Variants in FGFRL1 observed in about 807,000 individuals in gnomAD.
FGFRL1 encodes fibroblast growth factor receptor like 1, also known as fibroblast growth factor receptor-like 1.
Under a neutral mutation model 36.8 loss-of-function variants are expected in FGFRL1, and 24 were observed. The observed-to-expected ratio is 0.65, with a 90% CI of 0.47 to 0.92. FGFRL1 has a LOEUF of 0.92. Among genes scored for constraint, FGFRL1 ranks in the 40% least tolerant of loss-of-function variants. The pLI, the probability that FGFRL1 is intolerant of heterozygous loss-of-function variation, is 0.00. For synonymous variants in FGFRL1, 422 were observed against 344.1 expected (o/e 1.23, Z -2.50); for missense variants, 785 against 753.4 (o/e 1.04, Z -0.49).
In FGFRL1 at chr4:1,011,962, C is replaced by T. The variant is rs1715607338; in HGVS notation, c.-17+8C>T. 1.4e-5 allele frequency: 2 copies of T among 146,126 alleles called. No individual in the cohort carries two copies. 9.1% of individuals were successfully genotyped at this position (146,126 alleles called of 1,614,324 possible). ...GCTGAGCCCCCCGCCGAGGTGAGCC[C>T]CCCGCGCGCGCGGCCGCGACCCCAG... On this transcript the variant is annotated splice_region_variant and intron_variant, in intron 1 of 6. Transcript: ENST00000510644.
At position 1,024,685 on chromosome 4, in the gene FGFRL1, G is replaced by A. The variant is rs555712117; in HGVS notation, c.1072+21G>A. On this transcript the variant is annotated intron_variant, in intron 6 of 6. Transcript: ENST00000510644. ...GCCAGGTGCGCGGCTGCCACGCCAC[G>A]CCACACCATGCTGGTGCCCGGACCC... 8.4e-5 allele frequency: 132 copies of A among 1,576,588 alleles called. 1 individual carries two copies. The South Asian group carries it at 1.3e-3, about 16-fold the overall frequency.
intron 2 of FGFRL1, among the ~76,000 whole-genome samples, chr4:1,014,053 C>G (rs548386138): frequency 4.3e-4 from 66 of 152,336 alleles, no homozygotes; most frequent in African/African-American, 1.5e-3. Context: ...TGGACTAGGG[C>G]GCGAGGTCCA....
intron 1 of FGFRL1, 88 bp from the exon 2 acceptor site, chr4:1,012,382 C>G: frequency 6.7e-7 from 1 of 1,485,362 alleles, no homozygotes; most frequent in Non-Finnish European, 9.0e-7. Context: ...GGGAGGGCGG[C>G]CAGACCCCTG....
rs1238902591 is a variant in FGFRL1, at chr4:1,023,730, G to C, written c.433+9G>C. On this transcript the variant is annotated intron_variant, in intron 4 of 6. Transcript: ENST00000510644. The surrounding 1 kb of genome is among the most constrained non-coding windows in gnomAD (Gnocchi z 6.0). ...CGCCAGCCAGCAGTGGGGTGAGCAG[G>C]GGGTGACGGGGGTGGGGGGCGTCCG... 6.4e-7 allele frequency: 1 copy of C among 1,558,200 alleles called. No individual in the cohort carries two copies. The highest frequency in any genetic ancestry group is 8.7e-7 in the Non-Finnish European group (1 of 1,152,606).
At position 1,025,546 on chromosome 4, in the gene FGFRL1, A is replaced by C; in HGVS notation, c.*199A>C. 1.5e-6 allele frequency: 1 copy of C among 667,080 alleles called. No homozygotes were observed. The allele number at this position is 667,080 out of a possible 1,614,324, so 41.3% of individuals were successfully genotyped here. On this transcript the variant is annotated 3_prime_UTR_variant, in exon 7 of 7. Transcript: ENST00000510644. ...ACTGCCTGGATGCATGTATGCACACACATGCGCGCACACGTGCTCCCTGAA... is the reference window on the plus strand; with the variant it reads ...ACTGCCTGGATGCATGTATGCACACCCATGCGCGCACACGTGCTCCCTGAA...
In FGFRL1 at chr4:1,024,467, A is replaced by G; in HGVS notation, c.875A>G (p.His292Arg). The G allele has an allele frequency of 6.2e-7, 1 of 1,612,538 alleles. No homozygotes were observed. The highest frequency in any genetic ancestry group is 1.1e-5 in the South Asian group (1 of 91,082). Residue 292 changes from histidine (H) to arginine (R), a missense_variant, in exon 6 of 7, where the codon CAC (histidine) becomes CGC (arginine). By Grantham distance (29) the His-to-Arg change is conservative. Coordinates refer to ENST00000510644, the MANE Select transcript of FGFRL1 (RefSeq NM_001004356.3). ...KRVEYGAEGR[H>R]NSTIDVGGQK... ...GTGGAGTACGGCGCCGAGGGCCGCC[A>G]CAACTCCACCATCGATGTGGGCGGC...
intron 3 of FGFRL1, among the ~76,000 whole-genome samples, 164 bp downstream of exon 3, chr4:1,022,639 C>A (rs1199092608): frequency 1.3e-5 from 2 of 152,150 alleles, no homozygotes; most frequent in African/African-American, 4.8e-5. Context: ...ACCTCTGCCA[C>A]CATCCCCCAG....
At chr4:1,024,691 C>A in intron 6 of FGFRL1, 27 bp downstream of exon 6, 1 of 1,570,950 alleles carries the variant, frequency 6.4e-7, no homozygotes, top group South Asian at 1.1e-5. Flanking sequence ...CCACGCCACA[C>A]CATGCTGGTG....
In FGFRL1 at chr4:1,023,728, A is replaced by AGGGGGTGAC. The variant is rs765955253; in HGVS notation, c.433+15_433+23dup. The AGGGGGTGAC allele has an allele frequency of 2.9e-6, 3 of 1,020,298 alleles. No homozygotes were observed. In the South Asian group the frequency reaches 4.1e-5, roughly 14 times the overall value. 63.2% of individuals were successfully genotyped at this position (1,020,298 alleles called of 1,614,324 possible). A position where few individuals can be genotyped will look rare whatever the true frequency, so the allele number is the denominator to read the frequency against. ...CCCGCCAGCCAGCAGTGGGGTGAGC[A>AGGGGGTGAC]GGGGGTGACGGGGGTGGGGGGCGTC... On this transcript the variant is annotated splice_region_variant and intron_variant, in intron 4 of 6. Transcript: ENST00000510644. The surrounding 1 kb of genome is among the most constrained non-coding windows in gnomAD (Gnocchi z 6.0).
chr4:1,017,362 C>T (rs1715944696), intron 2 of FGFRL1, among the ~76,000 whole-genome samples: 2 of 152,178 alleles, frequency 1.3e-5, no homozygotes, highest in South Asian at 2.1e-4. Flanking sequence ...GAGGGGGCCA[C>T]ACAGCCAGCT....
rs1288214690 is a variant in FGFRL1, at chr4:1,023,571, C to T, written c.353-70C>T. 1.3e-5 allele frequency: 19 copies of T among 1,430,494 alleles called. No homozygotes were observed. Among genetic ancestry groups the T allele is most frequent in the African/African-American group, 5.7e-5 (4 of 70,698 alleles). The allele number at this position is 1,430,494 out of a possible 1,614,324, so 88.6% of individuals were successfully genotyped here. A position where few individuals can be genotyped will look rare whatever the true frequency, so the allele number is the denominator to read the frequency against. On this transcript the variant is annotated intron_variant, in intron 3 of 6. Transcript: ENST00000510644. This position sits in a 1 kb window ranked among gnomAD's most constrained non-coding sequence, Gnocchi z 6.0. ...CTGGGGCTGGGGGAGCTAGAGGCCACGGGGGAGTTGGGGGAGCTCCTCAGG... is the reference window on the plus strand; with the variant it reads ...CTGGGGCTGGGGGAGCTAGAGGCCATGGGGGAGTTGGGGGAGCTCCTCAGG...
chr4:1,023,542 C>A lies in FGFRL1; in HGVS notation c.353-99C>A. The A allele has an allele frequency of 1.8e-6, 2 of 1,137,100 alleles. No individual in the cohort carries two copies. Among genetic ancestry groups the A allele is most frequent in the Non-Finnish European group, 2.6e-6 (2 of 774,656 alleles). The allele number at this position is 1,137,100 out of a possible 1,614,324, so 70.4% of individuals were successfully genotyped here. On this transcript the variant is annotated intron_variant, in intron 3 of 6. Coordinates refer to ENST00000510644, the MANE Select transcript of FGFRL1 (RefSeq NM_001004356.3). The surrounding 1 kb of genome is among the most constrained non-coding windows in gnomAD (Gnocchi z 6.0). Reference sequence around the variant, plus strand: ...CCCTGCCTGGGTGTCCAGGGCTGTCCCGGCTGGGGCTGGGGGAGCTAGAGG... The same window carrying A: ...CCCTGCCTGGGTGTCCAGGGCTGTCACGGCTGGGGCTGGGGGAGCTAGAGG...
At chr4:1,017,641 G>A (rs565264566) in intron 2 of FGFRL1, among the ~76,000 whole-genome samples, 1 of 152,334 alleles carries the variant, frequency 6.6e-6, no homozygotes, top group African/African-American at 2.4e-5. Context: ...TGGAAAGTTG[G>A]AGGAGGCCGT....
At chr4:1,019,595 C>T (rs1045036963) in intron 2 of FGFRL1, among the ~76,000 whole-genome samples, 1 of 152,220 alleles carries the variant, frequency 6.6e-6, no homozygotes, top group African/African-American at 2.4e-5. Context: ...CCTGCAGCCG[C>T]TTCCTCCCCG....
At position 1,015,921 on chromosome 4, in the gene FGFRL1, A is replaced by G. The variant is rs60104099; in HGVS notation, c.79+3357A>G. On this transcript the variant is annotated intron_variant, in intron 2 of 6. Coordinates refer to ENST00000510644, the MANE Select transcript of FGFRL1 (RefSeq NM_001004356.3). Reference sequence around the variant, plus strand: ...GACTGCAGGGCTTGGTGTGGAGCGCAGTACCATGCACCAGGGTGCCTGACG... The same window carrying G: ...GACTGCAGGGCTTGGTGTGGAGCGCGGTACCATGCACCAGGGTGCCTGACG... Among the ~76,000 whole-genome samples, 1,012 of 152,310 alleles carry G rather than the reference A, an allele frequency of 6.6e-3. 12 individuals are homozygous for G. The highest frequency in any genetic ancestry group is 0.023 in the African/African-American group (971 of 41,578).
intron 2 of FGFRL1, among the ~76,000 whole-genome samples, chr4:1,016,130 G>A (rs375823951): frequency 6.6e-5 from 10 of 152,352 alleles, no homozygotes; most frequent in African/African-American, 1.7e-4. Flanking sequence ...GGGCTGCTCC[G>A]TGGTTGGGGC....
intron 1 of FGFRL1, 109 bp downstream of exon 1, chr4:1,012,063 GTCATGCGCGCCGCCGCCGC>G (rs1715614476): frequency 6.7e-6 from 1 of 148,256 alleles, no homozygotes; most frequent in African/African-American, 2.5e-5. Context: ...CTGGGCACGG[GTCATGCGCGCCGCCGCCGC>G]TCCTGCGGGC....
rs573197554 is a variant in FGFRL1, at chr4:1,026,045, C to T, written c.*698C>T. 262 of 154,920 alleles carry T rather than the reference C, an allele frequency of 1.7e-3. 3 individuals are homozygous for T. The highest frequency in any genetic ancestry group is 5.7e-3 in the South Asian group (29 of 5,064). The allele number at this position is 154,920 out of a possible 1,614,324, so 9.6% of individuals were successfully genotyped here. A position where few individuals can be genotyped will look rare whatever the true frequency, so the allele number is the denominator to read the frequency against. ...CAGACATGCTGTCCGGACACACACA[C>T]GCATGCACAGATATGCTGTCCGGAC... On this transcript the variant is annotated 3_prime_UTR_variant, in exon 7 of 7. Transcript: ENST00000510644.
Position 1,025,910 on chromosome 4 carries a change from GC to G in FGFRL1, c.*564del. ...GTGCACAGATATGCTGTCTGGACACGCACACACATGCAGATATGCTGCCTGG... is the reference window on the plus strand; with the variant it reads ...GTGCACAGATATGCTGTCTGGACACGACACACATGCAGATATGCTGCCTGG... On this transcript the variant is annotated 3_prime_UTR_variant, in exon 7 of 7. Coordinates refer to ENST00000510644, the MANE Select transcript of FGFRL1 (RefSeq NM_001004356.3). 6.2e-6 allele frequency: 1 copy of G among 160,922 alleles called. No homozygotes were observed. The highest frequency in any genetic ancestry group is 1.3e-5 in the Non-Finnish European group (1 of 75,476). The allele number at this position is 160,922 out of a possible 1,614,324, so 10.0% of individuals were successfully genotyped here.
Sources: gnomAD v4.1 joint callset for allele counts (sites outside exome capture counted in the v4.1 genomes callset) on GRCh38, gnomAD v4.1.1 for gene constraint, Gnocchi (gnomAD v3.1) non-coding constraint, MANE v1.5 for transcripts, NCBI Gene and HGNC (gene_info 2026-07-23, HGNC 2026-07-21) for gene names.